Variants in PTPRD observed in about 807,000 individuals in gnomAD.
PTPRD encodes the protein protein tyrosine phosphatase receptor type D, also known as receptor-type tyrosine-protein phosphatase delta.
Under a neutral mutation model 214.5 loss-of-function variants are expected in PTPRD, and 34 were observed. The observed-to-expected ratio is 0.16, with a 90% CI of 0.12 to 0.21. PTPRD has a LOEUF of 0.21. PTPRD is among the 10% of genes least tolerant of loss of function. The pLI is 1.00. For missense variants in PTPRD, 2,545 were observed against 2,398.7 expected (o/e 1.06, Z -1.27); for synonymous variants, 1,128 against 845.7 (o/e 1.33, Z -5.79).
chr9:8,548,747 T>C (rs571967204), intron 14 of PTPRD, among the ~76,000 whole-genome samples: 79 of 127,818 alleles, frequency 6.2e-4, no homozygotes, highest in African/African-American at 2.3e-3. Flanking sequence ...CAGGCTAGAG[T>C]GCAATGGTGC....
intron 12 of PTPRD, among the ~76,000 whole-genome samples, chr9:8,652,000 T>C (rs1004807568): frequency 8.5e-5 from 13 of 152,176 alleles, no homozygotes; most frequent in Non-Finnish European, 1.2e-4. Context: ...TGCACGCTTT[T>C]CTAGAGAAAC....
intron 8 of PTPRD, among the ~76,000 whole-genome samples, chr9:9,467,213 C>CTTTT (rs35659936): frequency 5.4e-5 from 5 of 92,900 alleles, no homozygotes; most frequent in African/African-American, 1.8e-4. Flanking sequence ...GTTCATTTAT[C>CTTTT]TTTTTTTTTT....
At chr9:9,169,164 T>C (rs2099909731) in intron 10 of PTPRD, among the ~76,000 whole-genome samples, 1 of 152,068 alleles carries the variant, frequency 6.6e-6, no homozygotes, top group African/African-American at 2.4e-5. Flanking sequence ...ATAGAGCCTC[T>C]TTTTGGCTTT....
chr9:8,948,465 TTACATATATATATATTTA>T, intron 11 of PTPRD, among the ~76,000 whole-genome samples: 1 of 6,720 alleles, frequency 1.5e-4, no homozygotes, highest in South Asian at 0.014. Flanking sequence ...ATATATATAT[TTACATATATATATATTTA>T]TATATATATT....
intron 3 of PTPRD, among the ~76,000 whole-genome samples, chr9:10,147,189 A>G (rs143949221): frequency 6.6e-6 from 1 of 152,284 alleles, no homozygotes; most frequent in Non-Finnish European, 1.5e-5. Flanking sequence ...TGCAAAGTGG[A>G]CTGCCTATAT....
chr9:10,599,058 G>C (rs1260416891), intron 2 of PTPRD, among the ~76,000 whole-genome samples: 1 of 151,532 alleles, frequency 6.6e-6, no homozygotes, highest in African/African-American at 2.4e-5. Context: ...ACTTATCTAG[G>C]TTCAATGGCA....
At chr9:9,909,746 T>C (rs1401809818) in intron 5 of PTPRD, among the ~76,000 whole-genome samples, 3 of 151,652 alleles carry the variant, frequency 2.0e-5, no homozygotes, top group East Asian at 1.9e-4. Context: ...TACAGACATG[T>C]GAGCCTTTGG....
intron 8 of PTPRD, among the ~76,000 whole-genome samples, chr9:9,548,556 G>A (rs1291954999): frequency 6.6e-6 from 1 of 151,680 alleles, no homozygotes; most frequent in Non-Finnish European, 1.5e-5. Context: ...CTGCCACCAT[G>A]CCTGGCTAAT....
chr9:8,850,723 G>C (rs148086247), intron 11 of PTPRD, among the ~76,000 whole-genome samples: 106 of 152,286 alleles, frequency 7.0e-4, no homozygotes, highest in Middle Eastern at 3.4e-3. Context: ...ATTTCAACCA[G>C]AGAAGTCTGA....
At chr9:10,391,523 C>T (rs2154491374) in intron 2 of PTPRD, among the ~76,000 whole-genome samples, 1 of 151,834 alleles carries the variant, frequency 6.6e-6, no homozygotes, top group East Asian at 2.0e-4. Context: ...GCTTATTTTT[C>T]TTATAGTTAA....
At chr9:9,239,972 G>A (rs1213619002) in intron 9 of PTPRD, among the ~76,000 whole-genome samples, 1 of 152,100 alleles carries the variant, frequency 6.6e-6, no homozygotes, top group East Asian at 1.9e-4. Flanking sequence ...AGTCTCAGAG[G>A]CCTTGGTTAA....
intron 3 of PTPRD, among the ~76,000 whole-genome samples, chr9:10,219,399 T>C (rs2099555660): frequency 1.3e-5 from 2 of 151,880 alleles, no homozygotes; most frequent in African/African-American, 2.4e-5. Context: ...AGATTCTTTT[T>C]CCAGCCTGAG....
chr9:9,110,975 C>G (rs1256721245), intron 10 of PTPRD, among the ~76,000 whole-genome samples: 1 of 152,050 alleles, frequency 6.6e-6, no homozygotes, highest in Non-Finnish European at 1.5e-5. Flanking sequence ...CTATCTGGTC[C>G]TGTACAGAAA....
At chr9:9,494,750 T>C (rs1025303801) in intron 8 of PTPRD, among the ~76,000 whole-genome samples, 7 of 152,200 alleles carry the variant, frequency 4.6e-5, no homozygotes, top group African/African-American at 1.4e-4. Context: ...AAGTGATCTA[T>C]AGATTCAACA....
intron 3 of PTPRD, among the ~76,000 whole-genome samples, chr9:10,079,916 A>G (rs764640577): frequency 2.0e-5 from 3 of 150,368 alleles, no homozygotes; most frequent in African/African-American, 5.0e-5. Flanking sequence ...AGAGTATCCA[A>G]GGTAATTAAA....
chr9:9,910,421 C>T (rs1174815443), intron 5 of PTPRD, among the ~76,000 whole-genome samples: 1 of 151,822 alleles, frequency 6.6e-6, no homozygotes, highest in African/African-American at 2.4e-5. Flanking sequence ...TTCAAATAAT[C>T]CCACGATTTT....
At chr9:9,599,865 CTT>C (rs1420973096) in intron 7 of PTPRD, among the ~76,000 whole-genome samples, 2 of 151,880 alleles carry the variant, frequency 1.3e-5, no homozygotes, top group South Asian at 2.1e-4. Context: ...TATTTAAAGA[CTT>C]TATGAAGCAA....
intron 12 of PTPRD, among the ~76,000 whole-genome samples, chr9:8,718,722 G>T (rs2098462310): frequency 6.6e-6 from 1 of 152,140 alleles, no homozygotes; most frequent in Admixed American, 6.6e-5. Flanking sequence ...GCAGAAACGT[G>T]TGCCTCCTAT....
chr9:8,457,859 C>A (rs1056962080), intron 33 of PTPRD, among the ~76,000 whole-genome samples: 3 of 151,974 alleles, frequency 2.0e-5, no homozygotes, highest in Admixed American at 2.0e-4. Context: ...CTGAAAGGCA[C>A]CTAAAAAGAG....
Sources: gnomAD v4.1 joint callset for allele counts (sites outside exome capture counted in the v4.1 genomes callset) on GRCh38, gnomAD v4.1.1 for gene constraint, MANE v1.5 for transcripts, NCBI Gene and HGNC (gene_info 2026-07-23, HGNC 2026-07-21) for gene names.